Variants in TBC1D5 observed in about 807,000 individuals in gnomAD.
TBC1D5 encodes the protein TBC1 domain family member 5, also known as TBC1 domain family, member 5.
Under a neutral mutation model 100.3 loss-of-function variants are expected in TBC1D5, and 75 were observed. The ratio of observed to expected loss-of-function variants is 0.75; its 90% CI spans 0.62 to 0.91. The LOEUF (loss-of-function observed/expected upper bound fraction) is 0.91. TBC1D5 is among the 40% of genes least tolerant of loss of function. The pLI is 0.00. For synonymous variants in TBC1D5, 323 were observed against 325.6 expected (o/e 0.99, Z 0.09); for missense variants, 910 against 942.4 (o/e 0.97, Z 0.45).
At chr3:17,489,017 C>G (rs1258465926) in intron 3 of TBC1D5, among the ~76,000 whole-genome samples, 1 of 151,244 alleles carries the variant, frequency 6.6e-6, no homozygotes, top group Non-Finnish European at 1.5e-5. Context: ...CACCGGACTC[C>G]GGTCCATGGA....
chr3:17,459,710 C>T (rs370081612), intron 3 of TBC1D5, among the ~76,000 whole-genome samples: 10 of 145,716 alleles, frequency 6.9e-5, no homozygotes, highest in African/African-American at 2.3e-4. Flanking sequence ...CCAGCCTGGG[C>T]AACATTAGTG....
intron 2 of TBC1D5, among the ~76,000 whole-genome samples, chr3:17,588,046 C>T (rs929412469): frequency 6.6e-5 from 10 of 151,916 alleles, no homozygotes; most frequent in Admixed American, 1.3e-4. Flanking sequence ...AAAGTGTTAA[C>T]GGTAACAAGA....
intron 1 of TBC1D5, among the ~76,000 whole-genome samples, chr3:17,666,334 TTC>T (rs1449618321): frequency 5.3e-5 from 8 of 152,276 alleles, no homozygotes; most frequent in African/African-American, 1.9e-4. Flanking sequence ...CTCCCAAAAC[TTC>T]TGTTTCCTAC....
At chr3:17,539,184 CA>C (rs2096320719) in intron 2 of TBC1D5, among the ~76,000 whole-genome samples, 1 of 152,000 alleles carries the variant, frequency 6.6e-6, no homozygotes, top group Non-Finnish European at 1.5e-5. Context: ...ATAAAAAATA[CA>C]AATAAATAAA....
intron 16 of TBC1D5, among the ~76,000 whole-genome samples, chr3:17,239,371 C>G (rs1179683295): frequency 6.6e-6 from 1 of 152,180 alleles, no homozygotes; most frequent in Non-Finnish European, 1.5e-5. Flanking sequence ...TCCTTCTTTA[C>G]TGTATCATTT....
At chr3:17,383,301 A>C (rs1264565041) in intron 9 of TBC1D5, among the ~76,000 whole-genome samples, 1 of 151,878 alleles carries the variant, frequency 6.6e-6, no homozygotes, top group Non-Finnish European at 1.5e-5. Context: ...AAAAATACCC[A>C]AGTGTGTGTA....
At chr3:17,230,811 A>C (rs1576147027) in intron 17 of TBC1D5, among the ~76,000 whole-genome samples, 1 of 152,160 alleles carries the variant, frequency 6.6e-6, no homozygotes, top group East Asian at 1.9e-4. Context: ...GATTGGTTTC[A>C]GGACCGCTGT....
intron 13 of TBC1D5, chr3:17,333,268 A>T (rs2087143712): frequency 6.6e-6 from 1 of 152,300 alleles, no homozygotes. Context: ...AAAAGTTAGC[A>T]GAGTGAATAA....
chr3:17,343,501 T>C (rs923137771), intron 13 of TBC1D5, among the ~76,000 whole-genome samples: 2 of 138,584 alleles, frequency 1.4e-5, no homozygotes, highest in African/African-American at 2.7e-5. Flanking sequence ...TAGGGAGGAT[T>C]CCCTCATTTT....
chr3:17,166,330 G>T (rs138672542), intron 21 of TBC1D5, among the ~76,000 whole-genome samples: 1 of 152,192 alleles, frequency 6.6e-6, no homozygotes, highest in Non-Finnish European at 1.5e-5. Flanking sequence ...ATGAAGGCAA[G>T]AAAGTAATTT....
In TBC1D5 at chr3:17,454,696, G is replaced by A. The variant is rs571825310; in HGVS notation, c.98-26177C>T. 1.1e-3 allele frequency among the ~76,000 whole-genome samples: 161 copies of A among 152,020 alleles called. 1 individual carries two copies. The highest frequency in any genetic ancestry group is 1.9e-3 in the Non-Finnish European group (132 of 68,004). On this transcript the variant is annotated intron_variant, in intron 3 of 21. Transcript: ENST00000253692. ...AGGATGGTCTTGATCTCCTGACCTC[G>A]TGATCCGCCTGCCTCGGCATCCCAA... is the stretch of plus-strand genomic sequence containing the variant.
chr3:17,406,619 A>G, intron 4 of TBC1D5, 93 bp from the exon 5 acceptor site: 2 of 1,121,034 alleles, frequency 1.8e-6, no homozygotes, highest in South Asian at 1.5e-5. Flanking sequence ...AAGTAAGTCT[A>G]AAAAATGCAA....
At chr3:17,591,258 A>C (rs931597541) in intron 2 of TBC1D5, among the ~76,000 whole-genome samples, 3 of 120,292 alleles carry the variant, frequency 2.5e-5, no homozygotes, top group South Asian at 2.5e-4. Flanking sequence ...AAAAAAAAAA[A>C]AAAAAAAACA....
intron 2 of TBC1D5, among the ~76,000 whole-genome samples, chr3:17,584,918 A>G (rs181920459): frequency 2.6e-5 from 4 of 152,262 alleles, no homozygotes; most frequent in Admixed American, 6.5e-5. Flanking sequence ...AGACTCCCAA[A>G]GTGCTGGGAT....
At chr3:17,581,024 C>A (rs752310629) in intron 2 of TBC1D5, among the ~76,000 whole-genome samples, 1 of 152,176 alleles carries the variant, frequency 6.6e-6, no homozygotes, top group Non-Finnish European at 1.5e-5. Flanking sequence ...ATAATCCCCA[C>A]GTGTCGTGGG....
At position 17,261,458 on chromosome 3, in the gene TBC1D5, C is replaced by T. The variant is rs1002167323; in HGVS notation, c.1246-2867G>A. 2.4e-5 allele frequency among the ~76,000 whole-genome samples: 3 copies of T among 124,402 alleles called. No homozygotes were observed. In the South Asian group the frequency reaches 7.8e-4, roughly 33 times the overall value. 81.6% of individuals were successfully genotyped at this position (124,402 alleles called of 152,430 possible). A position where few individuals can be genotyped will look rare whatever the true frequency, so the allele number is the denominator to read the frequency against. ...CGAAATATTTTAGAAGAGATACTTG[C>T]TCCTTTTTTGGGGGGTGGGGTGGGG... is the stretch of plus-strand genomic sequence containing the variant. On this transcript the variant is annotated intron_variant, in intron 15 of 21. Transcript: ENST00000253692.
intron 8 of TBC1D5, among the ~76,000 whole-genome samples, chr3:17,400,079 C>CT (rs1352649135): frequency 2.0e-5 from 3 of 152,080 alleles, no homozygotes; most frequent in Non-Finnish European, 4.4e-5. Flanking sequence ...TGCTTACTGT[C>CT]TCACCACTCT....
chr3:17,168,757 C>G (rs569607068), intron 19 of TBC1D5, among the ~76,000 whole-genome samples: 1 of 152,090 alleles, frequency 6.6e-6, no homozygotes, highest in Non-Finnish European at 1.5e-5. Context: ...TATGTTCACC[C>G]TCCATTAACA....
At chr3:17,434,814 AT>A (rs1273116903) in intron 3 of TBC1D5, among the ~76,000 whole-genome samples, 11 of 152,010 alleles carry the variant, frequency 7.2e-5, no homozygotes, top group African/African-American at 1.2e-4. Flanking sequence ...TCTCCCCAGA[AT>A]TTTTTTCCCC....
Sources: gnomAD v4.1 joint callset for allele counts (sites outside exome capture counted in the v4.1 genomes callset) on GRCh38, gnomAD v4.1.1 for gene constraint, MANE v1.5 for transcripts, NCBI Gene and HGNC (gene_info 2026-07-23, HGNC 2026-07-21) for gene names.